TACR1: variants seen among roughly 807,000 people sequenced by gnomAD.
TACR1 encodes the protein substance-P receptor.
A neutral mutation model predicts 35.8 loss-of-function variants in TACR1; 25 were observed. That is an observed-to-expected ratio of 0.70 (90% CI 0.51 to 0.98). The LOEUF (loss-of-function observed/expected upper bound fraction) is 0.98. Among genes scored for constraint, TACR1 ranks in the 50% least tolerant of loss-of-function variants. The pLI is 0.00. For missense variants in TACR1, 478 were observed against 522.9 expected (o/e 0.91, Z 0.84); for synonymous variants, 195 against 206.7 (o/e 0.94, Z 0.48).
intron 1 of TACR1, among the ~76,000 whole-genome samples, chr2:75,172,688 A>G (rs996229068): frequency 1.4e-4 from 22 of 152,184 alleles, no homozygotes; most frequent in Admixed American, 1.2e-3. Flanking sequence ...GACTTGCCCC[A>G]GCATCTGCAA....
At chr2:75,069,562 TA>T (rs113561222) in intron 2 of TACR1, among the ~76,000 whole-genome samples, 37,062 of 151,918 alleles carry the variant, frequency 0.24, 5,835 homozygotes, top group African/African-American at 0.41. Flanking sequence ...GAGATATCCT[TA>T]GTTTTTCTCT....
At chr2:75,117,304 A>T (rs1386110263) in intron 2 of TACR1, among the ~76,000 whole-genome samples, 2 of 152,260 alleles carry the variant, frequency 1.3e-5, no homozygotes, top group African/African-American at 4.8e-5. Context: ...ATGAATGATC[A>T]TGGTTGAAGG....
At chr2:75,103,993 G>A (rs1572932249) in intron 2 of TACR1, among the ~76,000 whole-genome samples, 1 of 152,110 alleles carries the variant, frequency 6.6e-6, no homozygotes, top group South Asian at 2.1e-4. Flanking sequence ...GAGGAAGAAA[G>A]CAACAAAGAA....
intron 1 of TACR1, among the ~76,000 whole-genome samples, chr2:75,168,514 AG>A (rs1244107336): frequency 6.6e-6 from 1 of 152,208 alleles, no homozygotes; most frequent in African/African-American, 2.4e-5. Context: ...CAGTGAGCCA[AG>A]GAATGCCTTT....
chr2:75,198,813 A>G lies in TACR1; in HGVS notation c.122T>C (p.Val41Ala). ...QIVLWAAAYT[V>A]IVVTSVVGNV... ...GCCCACCACAGAGGTCACCACAATG[A>G]CCGTGTAGGCAGCTGCCCAAAGGAC... The change falls in exon 1 of 5, where the codon GTC becomes GCC. Residue 41 changes from valine (V) to alanine (A), a missense_variant. Coordinates refer to ENST00000305249, the MANE Select transcript of TACR1 (RefSeq NM_001058.4). The G allele has an allele frequency of 6.2e-7, 1 of 1,614,144 alleles. No homozygotes were observed. Among genetic ancestry groups the G allele is most frequent in the Non-Finnish European group, 8.5e-7 (1 of 1,180,028 alleles).
chr2:75,137,728 C>CAAAAAAA (rs11326632), intron 1 of TACR1, among the ~76,000 whole-genome samples: 65 of 47,518 alleles, frequency 1.4e-3, no homozygotes, highest in East Asian at 4.9e-3. Flanking sequence ...GTCTCCGTCT[C>CAAAAAAA]AAAAAAAAAA....
At chr2:75,077,802 A>C (rs912656397) in intron 2 of TACR1, among the ~76,000 whole-genome samples, 2 of 152,188 alleles carry the variant, frequency 1.3e-5, no homozygotes, top group African/African-American at 4.8e-5. Context: ...AAGAGGTATA[A>C]GGGAAGGCCC....
Position 75,158,756 on chromosome 2 carries a change from C to A in TACR1, c.390-37988G>T, listed in dbSNP as rs183818595. ...GCCCAGCATCGCAAAGGAAGCAGAA[C>A]TGAAAAGAGAGGAATGGGTGGTTGG... On this transcript the variant is annotated intron_variant, in intron 1 of 4. Coordinates refer to ENST00000305249, the MANE Select transcript of TACR1 (RefSeq NM_001058.4). Among the ~76,000 whole-genome samples the A allele has an allele frequency of 1.1e-3, 168 of 152,228 alleles. 1 individual carries two copies. Among genetic ancestry groups the A allele is most frequent in the Non-Finnish European group, 2.1e-3 (143 of 68,026 alleles).
intron 1 of TACR1, among the ~76,000 whole-genome samples, chr2:75,171,670 C>A (rs1256450482): frequency 1.3e-5 from 2 of 152,236 alleles, no homozygotes; most frequent in Non-Finnish European, 2.9e-5. Context: ...GGGAGCCCTC[C>A]TCTTGCATCA....
intron 1 of TACR1, among the ~76,000 whole-genome samples, chr2:75,162,299 G>C (rs1232888657): frequency 6.6e-6 from 1 of 152,168 alleles, no homozygotes; most frequent in Non-Finnish European, 1.5e-5. Context: ...AGTATTGCAT[G>C]CTTTCATTAC....
At chr2:75,142,158 T>A (rs1395931139) in intron 1 of TACR1, among the ~76,000 whole-genome samples, 1 of 152,176 alleles carries the variant, frequency 6.6e-6, no homozygotes, top group Non-Finnish European at 1.5e-5. Context: ...AGCTCAATCC[T>A]AGAGCCTCCA....
At chr2:75,065,928 G>A (rs1672754525) in intron 2 of TACR1, among the ~76,000 whole-genome samples, 1 of 152,078 alleles carries the variant, frequency 6.6e-6, no homozygotes, top group Admixed American at 6.6e-5. Flanking sequence ...TCTAAGTCTG[G>A]ACTAAGCATC....
intron 1 of TACR1, among the ~76,000 whole-genome samples, chr2:75,151,320 AG>A (rs1364197479): frequency 7.0e-4 from 107 of 152,320 alleles, no homozygotes; most frequent in African/African-American, 2.4e-3. Flanking sequence ...GAGGCCCAGA[AG>A]GAAAAAGTGT....
intron 2 of TACR1, among the ~76,000 whole-genome samples, chr2:75,072,872 G>A (rs1171676046): frequency 6.6e-6 from 1 of 152,180 alleles, no homozygotes; most frequent in African/African-American, 2.4e-5. Context: ...TATGGAAAAT[G>A]TTTAAACAAA....
At chr2:75,085,868 C>G (rs112961106) in intron 2 of TACR1, among the ~76,000 whole-genome samples, 1 of 152,220 alleles carries the variant, frequency 6.6e-6, no homozygotes, top group East Asian at 1.9e-4. Context: ...TTCTCTTTCT[C>G]TGATCCCCTC....
intron 2 of TACR1, among the ~76,000 whole-genome samples, chr2:75,060,151 G>A (rs74374784): frequency 0.013 from 2,026 of 152,224 alleles, 32 homozygotes; most frequent in African/African-American, 0.045. Context: ...TTCTTCTTCC[G>A]GAGCTCACAG....
At chr2:75,151,537 C>T (rs1674670245) in intron 1 of TACR1, among the ~76,000 whole-genome samples, 1 of 152,300 alleles carries the variant, frequency 6.6e-6, no homozygotes, top group South Asian at 2.1e-4. Context: ...ATTTGGGAAC[C>T]TTTGCCTAGA....
intron 1 of TACR1, among the ~76,000 whole-genome samples, chr2:75,129,010 G>A (rs989957503): frequency 1.3e-5 from 2 of 152,146 alleles, no homozygotes; most frequent in Admixed American, 6.5e-5. Context: ...GCTGACACAC[G>A]GGAGACTCAG....
intron 1 of TACR1, among the ~76,000 whole-genome samples, chr2:75,183,832 T>C (rs1442427407): frequency 6.6e-6 from 1 of 152,244 alleles, no homozygotes; most frequent in African/African-American, 2.4e-5. Context: ...GTGTTATTAC[T>C]TTTATTCTTT....
Sources: gnomAD v4.1 joint callset for allele counts (sites outside exome capture counted in the v4.1 genomes callset) on GRCh38, gnomAD v4.1.1 for gene constraint, MANE v1.5 for transcripts, NCBI Gene and HGNC (gene_info 2026-07-23, HGNC 2026-07-21) for gene names.